Variants in CRKL observed in about 807,000 individuals in gnomAD.
The protein encoded by CRKL is CRK like proto-oncogene, adaptor protein.
CRKL carries 3 observed loss-of-function variants against 23.0 expected under a neutral mutation model. The observed-to-expected ratio is 0.13, with a 90% CI of 0.06 to 0.34. The LOEUF (loss-of-function observed/expected upper bound fraction) is 0.34. CRKL is among the 10% of genes least tolerant of loss of function. The pLI, the probability that CRKL is intolerant of heterozygous loss-of-function variation, is 1.00. For synonymous variants in CRKL, 188 were observed against 160.7 expected, an observed-to-expected ratio of 1.17 and a Z score of -1.28; for missense variants, 256 against 394.5, an observed-to-expected ratio of 0.65 and a Z score of 2.97.
chr22:20,927,443 C>T lies in CRKL; in HGVS notation c.312-6336C>T, dbSNP rs180746759. Among the ~76,000 whole-genome samples, 924 of 149,180 alleles carry T rather than the reference C, an allele frequency of 6.2e-3. 10 individuals are homozygous for T. The highest frequency in any genetic ancestry group is 0.022 in the African/African-American group (876 of 40,598). On this transcript the variant is annotated intron_variant, in intron 1 of 2. Transcript: ENST00000354336. ...CTGACCTCAGGTGATCCAATTGCCT[C>T]GGCCCCCTAATGTGCTGGGATTACA... is the stretch of plus-strand genomic sequence containing the variant.
At chr22:20,919,148 G>C (rs1321903065) in intron 1 of CRKL, among the ~76,000 whole-genome samples, 1 of 151,976 alleles carries the variant, frequency 6.6e-6, no homozygotes, top group Non-Finnish European at 1.5e-5. Context: ...CAAAATATCA[G>C]AACTGTATAT....
In CRKL at chr22:20,918,220, A is replaced by G; in HGVS notation, c.286A>G (p.Thr96Ala). 1 of 1,613,814 alleles carries G rather than the reference A, an allele frequency of 6.2e-7. No individual in the cohort carries two copies. The highest frequency in any genetic ancestry group is 1.1e-5 in the South Asian group (1 of 91,072). ...EFYKIHYLDTTTLIEPAPRYP... is the reference protein window; with the variant it reads ...EFYKIHYLDTATLIEPAPRYP... Reference sequence around the variant, plus strand: ...TTACAAGATCCACTACCTGGACACCACCACCCTCATCGAGCCTGCGCCCAG... The same window carrying G: ...TTACAAGATCCACTACCTGGACACCGCCACCCTCATCGAGCCTGCGCCCAG... The change falls in exon 1 of 3, where the codon ACC becomes GCC. Residue 96 changes from threonine (T) to alanine (A), a missense_variant. Thr to Ala is a moderately conservative substitution (Grantham distance 58). Transcript: ENST00000354336.
At position 20,942,650 on chromosome 22, in the gene CRKL, T is replaced by C. The variant is rs559794717; in HGVS notation, c.778-7061T>C. Among the ~76,000 whole-genome samples the C allele has an allele frequency of 1.6e-4, 24 of 152,266 alleles. 1 individual carries two copies. The South Asian group carries it at 4.1e-3, about 26-fold the overall frequency. Reference sequence around the variant, plus strand: ...AGCTTTTTTTTTTTGAAACGGAGTTTTGCTCTGTTGCCCAGGCTGGAGTGC... The same window carrying C: ...AGCTTTTTTTTTTTGAAACGGAGTTCTGCTCTGTTGCCCAGGCTGGAGTGC... On this transcript the variant is annotated intron_variant, in intron 2 of 2. Coordinates refer to ENST00000354336, the MANE Select transcript of CRKL (RefSeq NM_005207.4).
chr22:20,918,565 G>A (rs1209354838), intron 1 of CRKL, among the ~76,000 whole-genome samples: 2 of 150,740 alleles, frequency 1.3e-5, no homozygotes, highest in South Asian at 2.1e-4. Flanking sequence ...TACTGATGCA[G>A]GGATTTGTTG....
At position 20,950,385 on chromosome 22, in the gene CRKL, T is replaced by TG. The variant is rs1367729319; in HGVS notation, c.*545dup. ...GGAAAACTAATTAATTAGACTTGTG[T>TG]GGGGGTTTTTTTTTGTTTTGTTTTG... On this transcript the variant is annotated 3_prime_UTR_variant, in exon 3 of 3. Coordinates refer to ENST00000354336, the MANE Select transcript of CRKL (RefSeq NM_005207.4). 7 of 232,786 alleles carry TG rather than the reference T, an allele frequency of 3.0e-5. No individual in the cohort carries two copies. Among genetic ancestry groups the TG allele is most frequent in the African/African-American group, 1.3e-4 (6 of 45,320 alleles). The allele number at this position is 232,786 out of a possible 1,614,324, so 14.4% of individuals were successfully genotyped here.
chr22:20,948,968 C>CT (rs752545829), intron 2 of CRKL, among the ~76,000 whole-genome samples: 2 of 152,096 alleles, frequency 1.3e-5, no homozygotes, highest in African/African-American at 4.8e-5. Flanking sequence ...ACCTGAAGGT[C>CT]TTTTTTTAAA....
At chr22:20,944,796 C>T (rs1031744175) in intron 2 of CRKL, among the ~76,000 whole-genome samples, 1 of 151,930 alleles carries the variant, frequency 6.6e-6, no homozygotes, top group Non-Finnish European at 1.5e-5. Context: ...CTCCATTGCC[C>T]AGGCTAGAGT....
chr22:20,932,162 G>GT (rs1921479897), intron 1 of CRKL, among the ~76,000 whole-genome samples: 1 of 152,012 alleles, frequency 6.6e-6, no homozygotes, highest in African/African-American at 2.4e-5. Context: ...AGGCTGGAGT[G>GT]TAATGATGCA....
chr22:20,926,232 G>A (rs1259161418), intron 1 of CRKL, among the ~76,000 whole-genome samples: 1 of 152,224 alleles, frequency 6.6e-6, no homozygotes, highest in Non-Finnish European at 1.5e-5. Flanking sequence ...CCTCAGCCTT[G>A]TAAATGAGCT....
intron 2 of CRKL, among the ~76,000 whole-genome samples, chr22:20,942,888 G>A (rs1335614796): frequency 6.6e-6 from 1 of 152,082 alleles, no homozygotes; most frequent in Non-Finnish European, 1.5e-5. Flanking sequence ...AAAGTGCTGG[G>A]ATTATAGGCA....
chr22:20,944,529 C>T (rs1326155905), intron 2 of CRKL, among the ~76,000 whole-genome samples: 2 of 151,918 alleles, frequency 1.3e-5, no homozygotes, highest in African/African-American at 4.8e-5. Flanking sequence ...CTCAGCCTCC[C>T]AAGTAGCTGG....
In CRKL at chr22:20,934,013, G is replaced by T. The variant is rs757880216; in HGVS notation, c.546G>T (p.Val182=). 1 of 1,614,156 alleles carries T rather than the reference G, an allele frequency of 6.2e-7. No individual in the cohort carries two copies. The highest frequency in any genetic ancestry group is 8.5e-7 in the Non-Finnish European group (1 of 1,180,026). The change falls in exon 2 of 3, where the codon GTG becomes GTT. Residue 182 remains valine (V), a synonymous_variant. Transcript: ENST00000354336. The part of the protein sequence containing the change: ...MIPVPYVEKL[V]RSSPHGKHGN... ...CTGTCCCTTATGTCGAAAAGCTTGT[G>T]AGATCCTCACCACACGGAAAGCATG...
intron 1 of CRKL, among the ~76,000 whole-genome samples, chr22:20,927,851 A>G (rs1921285737): frequency 6.7e-6 from 1 of 149,288 alleles, no homozygotes; most frequent in Non-Finnish European, 1.5e-5. Flanking sequence ...TCAAAAAAAA[A>G]AAAAAAAAAA....
intron 1 of CRKL, among the ~76,000 whole-genome samples, chr22:20,933,224 G>T (rs1390339571): frequency 6.6e-6 from 1 of 151,956 alleles, no homozygotes; most frequent in Non-Finnish European, 1.5e-5. Flanking sequence ...GAAAAAATTA[G>T]CGGGGCGTGG....
intron 2 of CRKL, among the ~76,000 whole-genome samples, chr22:20,942,586 CAG>C (rs1476347851): frequency 6.6e-6 from 1 of 151,774 alleles, no homozygotes; most frequent in Non-Finnish European, 1.5e-5. Flanking sequence ...TTATATATCT[CAG>C]AGTGGATTTC....
At position 20,951,175 on chromosome 22, in the gene CRKL, A is replaced by C. The variant is rs1417643615; in HGVS notation, c.*1330A>C. 3.0e-5 allele frequency: 7 copies of C among 232,370 alleles called. No homozygotes were observed. The South Asian group carries it at 1.1e-3, about 36-fold the overall frequency. 14.4% of individuals were successfully genotyped at this position (232,370 alleles called of 1,614,324 possible). A position where few individuals can be genotyped will look rare whatever the true frequency, so the allele number is the denominator to read the frequency against. On this transcript the variant is annotated 3_prime_UTR_variant, in exon 3 of 3. Transcript: ENST00000354336. ...ACTCATTAATGAATCGTTCAACTCCACTCACTGAAGCCCAGACCTCCGTGC... is the reference window on the plus strand; with the variant it reads ...ACTCATTAATGAATCGTTCAACTCCCCTCACTGAAGCCCAGACCTCCGTGC...
Position 20,933,932 on chromosome 22 carries a change from G to A in CRKL, c.465G>A (p.Lys155=). 6.2e-7 allele frequency: 1 copy of A among 1,614,166 alleles called. No individual in the cohort carries two copies. Among genetic ancestry groups the A allele is most frequent in the South Asian group, 1.1e-5 (1 of 91,082 alleles). ...GTGAGATCCTAGTGATAATAGAGAA[G>A]CCTGAAGAACAGTGGTGGAGTGCCC... ...KKGEILVIIE[K]PEEQWWSARN... The change falls in exon 2 of 3, where the codon AAG becomes AAA. Residue 155 remains lysine, a synonymous_variant. Transcript: ENST00000354336.
At chr22:20,926,047 A>G (rs1921189803) in intron 1 of CRKL, among the ~76,000 whole-genome samples, 3 of 152,204 alleles carry the variant, frequency 2.0e-5, no homozygotes, top group Non-Finnish European at 4.4e-5. Context: ...GAGAGGCTTG[A>G]AAGAGGAGAT....
At position 20,951,608 on chromosome 22, in the gene CRKL, A is replaced by G. The variant is rs910043762; in HGVS notation, c.*1763A>G. 1.3e-5 allele frequency: 3 copies of G among 225,240 alleles called. No homozygotes were observed. Among genetic ancestry groups the G allele is most frequent in the Non-Finnish European group, 2.7e-5 (3 of 113,160 alleles). 14.0% of individuals were successfully genotyped at this position (225,240 alleles called of 1,614,324 possible). Reference sequence around the variant, plus strand: ...AGACCTAGAAATGTAGCAGCAGCCTACTGAGTAGCTTTCATTTACTGATCA... The same window carrying G: ...AGACCTAGAAATGTAGCAGCAGCCTGCTGAGTAGCTTTCATTTACTGATCA... On this transcript the variant is annotated 3_prime_UTR_variant, in exon 3 of 3. Coordinates refer to ENST00000354336, the MANE Select transcript of CRKL (RefSeq NM_005207.4).
Sources: allele counts gnomAD v4.1 joint callset (sites outside exome capture counted in the v4.1 genomes callset), GRCh38; gene constraint gnomAD v4.1.1; transcripts MANE v1.5; gene names NCBI Gene and HGNC (gene_info 2026-07-23, HGNC 2026-07-21).